The following FRMD5 variants were observed in gnomAD, a reference collection of about 807,000 sequenced individuals.
FRMD5 encodes the protein FERM domain containing 5.
In FRMD5, 20 loss-of-function variants were observed where a neutral mutation model predicts 69.0. The ratio of observed to expected loss-of-function variants is 0.29; its 90% CI spans 0.20 to 0.42. The LOEUF (loss-of-function observed/expected upper bound fraction) is 0.42, where lower values mean the gene tolerates loss of function less well. Ranked by LOEUF, FRMD5 falls within the 10% of genes least tolerant of loss-of-function variation. FRMD5 has a pLI of 1.00. For synonymous variants in FRMD5, 271 were observed against 260.1 expected, an observed-to-expected ratio of 1.04 and a Z score of -0.40; for missense variants, 595 against 708.6, an observed-to-expected ratio of 0.84 and a Z score of 1.82.
At chr15:43,890,561 C>G (rs530906883) in intron 8 of FRMD5, among the ~76,000 whole-genome samples, 84 of 152,306 alleles carry the variant, frequency 5.5e-4, no homozygotes, top group African/African-American at 1.7e-3. Context: ...GCAGCAGAGA[C>G]CCCACACTAG....
intron 4 of FRMD5, chr15:43,919,104 GCAAC>G (rs2089446972): frequency 2.7e-6 from 1 of 374,712 alleles, no homozygotes; most frequent in East Asian, 7.0e-5. Flanking sequence ...GAATCTATTT[GCAAC>G]CTCCGAAATA....
At chr15:43,927,409 G>A (rs16948098) in intron 1 of FRMD5, among the ~76,000 whole-genome samples, 13,932 of 152,056 alleles carry the variant, frequency 0.092, 1,153 homozygotes, top group African/African-American at 0.22. Flanking sequence ...ACAGAGACTC[G>A]TTATGAATCA....
intron 1 of FRMD5, among the ~76,000 whole-genome samples, chr15:44,097,067 A>T (rs944147841): frequency 1.3e-5 from 2 of 152,350 alleles, no homozygotes; most frequent in South Asian, 4.1e-4. Flanking sequence ...TACTGATAAC[A>T]GTTAAATAAT....
At chr15:44,041,524 T>C (rs907347349) in intron 1 of FRMD5, among the ~76,000 whole-genome samples, 12 of 152,160 alleles carry the variant, frequency 7.9e-5, no homozygotes, top group Admixed American at 3.3e-4. Context: ...GACCACATAA[T>C]TGGAAGTAAA....
At chr15:44,197,525 T>C (rs1248257595), upstream of FRMD5, among the ~76,000 whole-genome samples, 1 of 150,428 alleles carries the variant, frequency 6.6e-6, no homozygotes, top group African/African-American at 2.4e-5. Flanking sequence ...CTACTGAAAA[T>C]ACAAAAATGA....
At chr15:43,993,339 C>T (rs1455274898) in intron 1 of FRMD5, among the ~76,000 whole-genome samples, 4 of 152,114 alleles carry the variant, frequency 2.6e-5, no homozygotes, top group Non-Finnish European at 5.9e-5. Flanking sequence ...ACTACAGGTG[C>T]GTGCCACCAT....
chr15:44,163,795 T>G (rs1490151449), intron 1 of FRMD5, among the ~76,000 whole-genome samples: 1 of 152,218 alleles, frequency 6.6e-6, no homozygotes, highest in East Asian at 1.9e-4. Flanking sequence ...GCTATCTCCC[T>G]CTCTTCTCTC....
rs56687595 is a variant in FRMD5, at chr15:44,176,969, T to TAA, written c.102+17982_102+17983dup. On this transcript the variant is annotated intron_variant, in intron 1 of 13. Transcript: ENST00000417257. ...AAGAAAGTTCATAAAATAAAATATG[T>TAA]AAAAAAAAAAAAAAAAAGGCAGACA... 1.1e-3 allele frequency among the ~76,000 whole-genome samples: 155 copies of TAA among 137,476 alleles called. 1 individual carries two copies. The highest frequency in any genetic ancestry group is 3.9e-3 in the African/African-American group (142 of 36,708). 90.2% of individuals were successfully genotyped at this position (137,476 alleles called of 152,430 possible).
chr15:43,996,333 T>G (rs143255834), intron 1 of FRMD5, among the ~76,000 whole-genome samples: 28 of 152,236 alleles, frequency 1.8e-4, no homozygotes, highest in African/African-American at 6.5e-4. Flanking sequence ...AGGCCCAGTG[T>G]TGAGGAATGA....
At chr15:43,886,378 C>G (rs1296213070) in intron 10 of FRMD5, among the ~76,000 whole-genome samples, 3 of 152,202 alleles carry the variant, frequency 2.0e-5, no homozygotes, top group African/African-American at 7.2e-5. Flanking sequence ...AAAAGTCCGT[C>G]ATGTATTTGA....
chr15:43,925,235 C>T (rs2089563592), intron 1 of FRMD5, among the ~76,000 whole-genome samples: 1 of 152,090 alleles, frequency 6.6e-6, no homozygotes, highest in Non-Finnish European at 1.5e-5. Flanking sequence ...TAACTTCTGA[C>T]CTTAGGTGAT....
chr15:44,181,402 G>A (rs2077998588), intron 1 of FRMD5, among the ~76,000 whole-genome samples: 2 of 152,044 alleles, frequency 1.3e-5, no homozygotes, highest in Non-Finnish European at 2.9e-5. Flanking sequence ...AAAATAGTAA[G>A]GAGATGTCCC....
chr15:43,897,470 A>G (rs1450025892), intron 7 of FRMD5, among the ~76,000 whole-genome samples: 1 of 139,270 alleles, frequency 7.2e-6, no homozygotes, highest in East Asian at 2.3e-4. Flanking sequence ...CTGGGCAACA[A>G]GAGTGACACT....
At chr15:44,191,309 C>A (rs1318747000) in intron 1 of FRMD5, among the ~76,000 whole-genome samples, 1 of 152,074 alleles carries the variant, frequency 6.6e-6, no homozygotes, top group African/African-American at 2.4e-5. Flanking sequence ...CTATTCCTGG[C>A]CGGGTGCAGT....
intron 8 of FRMD5, 37 bp from the exon 9 acceptor site, chr15:43,888,909 G>A (rs760975354): frequency 1.3e-6 from 2 of 1,585,172 alleles, no homozygotes; most frequent in African/African-American, 2.7e-5. Flanking sequence ...ACCTCATTGT[G>A]GGCTGCTTGT....
chr15:44,089,723 C>A (rs1360027659), intron 1 of FRMD5, among the ~76,000 whole-genome samples: 1 of 151,840 alleles, frequency 6.6e-6, no homozygotes, highest in East Asian at 1.9e-4. Context: ...TTGGTCACTT[C>A]CTAATAGAAG....
At chr15:44,150,830 G>A (rs890813910) in intron 1 of FRMD5, among the ~76,000 whole-genome samples, 12 of 152,202 alleles carry the variant, frequency 7.9e-5, no homozygotes, top group Admixed American at 3.9e-4. Flanking sequence ...CGTGGCCCAC[G>A]TCTGTAATCC....
At chr15:44,081,220 T>A (rs1408048924) in intron 1 of FRMD5, among the ~76,000 whole-genome samples, 1 of 152,122 alleles carries the variant, frequency 6.6e-6, no homozygotes, top group Non-Finnish European at 1.5e-5. Context: ...CCATAGCCCT[T>A]CCCTTGATGC....
In FRMD5 at chr15:44,000,189, T is replaced by C. The variant is rs184818432; in HGVS notation, c.103-75880A>G. Among the ~76,000 whole-genome samples, 4 of 151,772 alleles carry C rather than the reference T, an allele frequency of 2.6e-5. No individual in the cohort carries two copies. In the East Asian group the frequency reaches 5.8e-4, roughly 22 times the overall value. Reference sequence around the variant, plus strand: ...TTTTTGTAGAGACAGGGTCTTACTATATTGCCCAGGGTGGTCTTGAATTCC... The same window carrying C: ...TTTTTGTAGAGACAGGGTCTTACTACATTGCCCAGGGTGGTCTTGAATTCC... On this transcript the variant is annotated intron_variant, in intron 1 of 13. Coordinates refer to ENST00000417257, the MANE Select transcript of FRMD5 (RefSeq NM_032892.5).
Sources: gnomAD v4.1 joint callset for allele counts (sites outside exome capture counted in the v4.1 genomes callset) on GRCh38, gnomAD v4.1.1 for gene constraint, MANE v1.5 for transcripts, NCBI Gene and HGNC (gene_info 2026-07-23, HGNC 2026-07-21) for gene names.